Variants in FGR observed in about 807,000 individuals in gnomAD.
FGR encodes the protein FGR proto-oncogene, Src family tyrosine kinase.
Under a neutral mutation model 63.2 loss-of-function variants are expected in FGR, and 26 were observed. That is an observed-to-expected ratio of 0.41 (90% CI 0.30 to 0.57). The LOEUF (loss-of-function observed/expected upper bound fraction) is 0.57. FGR is among the 20% of genes least tolerant of loss of function. The pLI, the probability that FGR is intolerant of heterozygous loss-of-function variation, is 0.27. For missense variants in FGR, 511 were observed against 690.8 expected (o/e 0.74, Z 2.92); for synonymous variants, 286 against 277.7 (o/e 1.03, Z -0.30).
intron 11 of FGR, among the ~76,000 whole-genome samples, chr1:27,613,717 A>AG (rs2089744071): frequency 6.8e-6 from 1 of 146,176 alleles, no homozygotes; most frequent in East Asian, 1.9e-4. Context: ...AAAAAAAAAA[A>AG]AGAGACAGAG....
chr1:27,617,003 G>A lies in FGR; in HGVS notation c.536C>T (p.Ala179Val). Residue 179 changes from alanine to valine, a missense_variant, in exon 7 of 13, where the codon GCC becomes GTC. By Grantham distance (64) the Ala-to-Val change is moderately conservative. Coordinates refer to ENST00000374005, the MANE Select transcript of FGR (RefSeq NM_005248.3). This position sits in a 1 kb window ranked among gnomAD's most constrained non-coding sequence, Gnocchi z 4.5. ...LIRESETTKG[A>V]YSLSIRDWDQ... ...CCAGTCCCGGATGGACAGGGAGTAG[G>A]CACCTGTGGAGAGGATCACTTTTGA... 6.2e-7 allele frequency: 1 copy of A among 1,614,138 alleles called. No homozygotes were observed. The highest frequency in any genetic ancestry group is 8.5e-7 in the Non-Finnish European group (1 of 1,179,998).
At chr1:27,623,440 C>T (rs1327304709) in intron 3 of FGR, 1 of 601,106 alleles carries the variant, frequency 1.7e-6, no homozygotes, top group Non-Finnish European at 3.0e-6. Flanking sequence ...AGAAGTTTCT[C>T]TTTGTCACTT....
In FGR at chr1:27,615,600, G is replaced by C. The variant is rs986508147; in HGVS notation, c.852C>G (p.Gly284=). ...FGDVWLGTWN[G]STKVAVKTLK... is the part of the protein sequence containing the mutation. Reference sequence around the variant, plus strand: ...GCGTCTTCACCGCCACCTTAGTGCTGCCGTTCCACGTGCCTGCTCGGAGGC... The same window carrying C: ...GCGTCTTCACCGCCACCTTAGTGCTCCCGTTCCACGTGCCTGCTCGGAGGC... The change falls in exon 9 of 13, where the codon GGC becomes GGG. Residue 284 remains glycine (G), a synonymous_variant. Coordinates refer to ENST00000374005, the MANE Select transcript of FGR (RefSeq NM_005248.3). This position sits in a 1 kb window ranked among gnomAD's most constrained non-coding sequence, Gnocchi z 7.6. The C allele has an allele frequency of 6.2e-7, 1 of 1,609,342 alleles. No homozygotes were observed. The highest frequency in any genetic ancestry group is 8.5e-7 in the Non-Finnish European group (1 of 1,176,050).
Position 27,623,793 on chromosome 1 carries a change from G to T in FGR, c.124C>A (p.Arg42=). 6.2e-7 allele frequency: 1 copy of T among 1,614,194 alleles called. No individual in the cohort carries two copies. ...DHYGPDPTKA[R]PASSFAHIPN... ...ATGTGGGCAAATGAGGATGCAGGCCGGGCCTTAGTGGGGTCAGGCCCATAG... is the reference window on the plus strand; with the variant it reads ...ATGTGGGCAAATGAGGATGCAGGCCTGGCCTTAGTGGGGTCAGGCCCATAG... Residue 42 remains arginine (R), a synonymous_variant, in exon 3 of 13, where the codon CGG becomes AGG. Transcript: ENST00000374005.
chr1:27,626,294 T>A, intron 1 of FGR: 1 of 398,300 alleles, frequency 2.5e-6, no homozygotes. Flanking sequence ...ATGGAGAGTT[T>A]AGGGTGGGGC....
At chr1:27,621,364 G>A (rs1044899022) in intron 5 of FGR, among the ~76,000 whole-genome samples, 195 bp downstream of exon 5, 5 of 152,182 alleles carry the variant, frequency 3.3e-5, no homozygotes, top group Non-Finnish European at 7.3e-5. Context: ...ATAGTGCCCA[G>A]AACATAGTAC....
chr1:27,613,922 C>T (rs538889346), intron 11 of FGR, among the ~76,000 whole-genome samples: 2 of 152,204 alleles, frequency 1.3e-5, no homozygotes, highest in African/African-American at 4.8e-5. Context: ...GTGCCAGACA[C>T]TGTTTTAAGT....
At chr1:27,620,175 G>C (rs544744003) in intron 5 of FGR, among the ~76,000 whole-genome samples, 1 of 152,050 alleles carries the variant, frequency 6.6e-6, no homozygotes, top group Non-Finnish European at 1.5e-5. Context: ...AAATTAGCCA[G>C]GTGTGGTGGC....
At position 27,614,849 on chromosome 1, in the gene FGR, C is replaced by T; in HGVS notation, c.1095+1G>A. 1.3e-6 allele frequency: 2 copies of T among 1,586,278 alleles called. No individual in the cohort carries two copies. Among genetic ancestry groups the T allele is most frequent in the Non-Finnish European group, 1.7e-6 (2 of 1,164,246 alleles). Reference sequence around the variant, plus strand: ...GAGGTAAAGGCTGCTGGCCCAGTTACCTGGGCTGCCATGTCCACCAATTGG... The same window carrying T: ...GAGGTAAAGGCTGCTGGCCCAGTTATCTGGGCTGCCATGTCCACCAATTGG... On this transcript the variant is annotated splice_donor_variant, in intron 10 of 12. Transcript: ENST00000374005. LOFTEE classifies it high-confidence loss of function.
At chr1:27,613,876 C>T (rs886356751) in intron 11 of FGR, among the ~76,000 whole-genome samples, 6 of 152,014 alleles carry the variant, frequency 3.9e-5, no homozygotes, top group African/African-American at 1.5e-4. Context: ...TAATTCTTAT[C>T]CTAATAACGG....
intron 5 of FGR, among the ~76,000 whole-genome samples, chr1:27,619,982 T>G (rs1348604764): frequency 2.6e-5 from 4 of 152,072 alleles, no homozygotes; most frequent in Non-Finnish European, 5.9e-5. Flanking sequence ...TTTAAAAGCT[T>G]TTTGAGCCTC....
rs2089842714 is a variant in FGR, at chr1:27,617,812, TCTCTC to T, written c.429-521_429-517del. ...GAGCAGCACAGTCTCCTGCTTCTCT[TCTCTC>T]TGGCTGCTCCCGCCCCGGCTACTGC... On this transcript the variant is annotated intron_variant, in intron 5 of 12. Transcript: ENST00000374005. This position sits in a 1 kb window ranked among gnomAD's most constrained non-coding sequence, Gnocchi z 4.5. 1.3e-5 allele frequency among the ~76,000 whole-genome samples: 2 copies of T among 152,182 alleles called. No homozygotes were observed. The highest frequency in any genetic ancestry group is 4.8e-5 in the African/African-American group (2 of 41,440).
At position 27,623,885 on chromosome 1, in the gene FGR, G is replaced by A. The variant is rs752716889; in HGVS notation, c.32C>T (p.Pro11Leu). Residue 11 changes from proline to leucine, a missense_variant, in exon 3 of 13, where the codon CCG becomes CTG. Coordinates refer to ENST00000374005, the MANE Select transcript of FGR (RefSeq NM_005248.3). The stretch of plus-strand genomic sequence containing the variant: ...AGCATCCTCCTTGGCCGTGGCCACC[G>A]GCTCCAATTTCTTGCAGAACACACA... Reference protein sequence around the residue: MGCVFCKKLEPVATAKEDAGL... With the variant: MGCVFCKKLELVATAKEDAGL... The A allele has an allele frequency of 1.9e-5, 30 of 1,604,686 alleles. No homozygotes were observed. Among genetic ancestry groups the A allele is most frequent in the Middle Eastern group, 1.7e-4 (1 of 5,730 alleles).
chr1:27,621,898 C>T (rs2089935620), intron 4 of FGR, among the ~76,000 whole-genome samples: 1 of 152,128 alleles, frequency 6.6e-6, no homozygotes, highest in African/African-American at 2.4e-5. Flanking sequence ...CCTTGGGCTC[C>T]CCAGCTGGGT....
rs769952592 is a variant in FGR at position 27,612,950 on chromosome 1, G to A, written c.1554C>T (p.Ser518=). 5.0e-5 allele frequency: 80 copies of A among 1,614,022 alleles called. No homozygotes were observed. The highest frequency in any genetic ancestry group is 6.5e-5 in the Non-Finnish European group (77 of 1,180,018). ...LQSFLEDYFT[S]AEPQYQPGDQ... ...CCCCGGGCTGGTACTGTGGTTCAGCGGAGGTGAAGTAGTCCTCCAGGAAGG... is the reference window on the plus strand; with the variant it reads ...CCCCGGGCTGGTACTGTGGTTCAGCAGAGGTGAAGTAGTCCTCCAGGAAGG... Residue 518 remains serine, a synonymous_variant, in exon 13 of 13, where the codon TCC becomes TCT. Coordinates refer to ENST00000374005, the MANE Select transcript of FGR (RefSeq NM_005248.3).
At position 27,615,975 on chromosome 1, in the gene FGR, C is replaced by T; in HGVS notation, c.683-131G>A. On this transcript the variant is annotated intron_variant, in intron 7 of 12. Transcript: ENST00000374005. This position sits in a 1 kb window ranked among gnomAD's most constrained non-coding sequence, Gnocchi z 7.6. Reference sequence around the variant, plus strand: ...ACTAGGCCCCAAGTGAGGTCACAGGCCAGGAAGAAAGGCAACCCGATCCAC... The same window carrying T: ...ACTAGGCCCCAAGTGAGGTCACAGGTCAGGAAGAAAGGCAACCCGATCCAC... 1 of 1,074,930 alleles carries T rather than the reference C, an allele frequency of 9.3e-7. No individual in the cohort carries two copies. Among genetic ancestry groups the T allele is most frequent in the Non-Finnish European group, 1.3e-6 (1 of 775,110 alleles). The allele number at this position is 1,074,930 out of a possible 1,614,324, so 66.6% of individuals were successfully genotyped here. A position where few individuals can be genotyped will look rare whatever the true frequency, so the allele number is the denominator to read the frequency against.
chr1:27,634,268 C>T (rs1276376696), intron 1 of FGR, among the ~76,000 whole-genome samples: 2 of 152,200 alleles, frequency 1.3e-5, no homozygotes, highest in South Asian at 2.1e-4. Context: ...CAGCAATTCC[C>T]GGATCCAGCG....
chr1:27,630,299 C>A (rs1014829866), intron 1 of FGR, among the ~76,000 whole-genome samples: 6 of 152,112 alleles, frequency 3.9e-5, no homozygotes, highest in African/African-American at 1.4e-4. Flanking sequence ...GTGATCTGCC[C>A]GCCTCGGCCT....
Position 27,617,017 on chromosome 1 carries a change from G to A in FGR, c.533-11C>T, listed in dbSNP as rs770223047. ...ACAGGGAGTAGGCACCTGTGGAGAG[G>A]ATCACTTTTGATCTGCTGTTCTCCT... On this transcript the variant is annotated splice_polypyrimidine_tract_variant and intron_variant, in intron 6 of 12. Coordinates refer to ENST00000374005, the MANE Select transcript of FGR (RefSeq NM_005248.3). This position sits in a 1 kb window ranked among gnomAD's most constrained non-coding sequence, Gnocchi z 4.5. 2 of 1,613,966 alleles carry A rather than the reference G, an allele frequency of 1.2e-6. No homozygotes were observed. The highest frequency in any genetic ancestry group is 1.1e-5 in the South Asian group (1 of 91,070).
Sources: allele counts gnomAD v4.1 joint callset (sites outside exome capture counted in the v4.1 genomes callset), GRCh38; gene constraint gnomAD v4.1.1; non-coding constraint Gnocchi (gnomAD v3.1); transcripts MANE v1.5; gene names NCBI Gene and HGNC (gene_info 2026-07-23, HGNC 2026-07-21).